FAF1: variants seen among roughly 807,000 people sequenced by gnomAD.
FAF1 encodes Fas associated factor 1.
In FAF1, 25 loss-of-function variants were observed where a neutral mutation model predicts 92.5. The ratio of observed to expected loss-of-function variants is 0.27; its 90% CI spans 0.20 to 0.38. FAF1 has a LOEUF of 0.38. Ranked by LOEUF, FAF1 falls within the 10% of genes least tolerant of loss-of-function variation. The probability of loss-of-function intolerance (pLI) is 1.00; values close to 1 mark genes in which losing one functional copy is unlikely to be tolerated. For synonymous variants in FAF1, 234 were observed against 273.2 expected (o/e 0.86, Z 1.42); for missense variants, 636 against 793.3 (o/e 0.80, Z 2.38).
At chr1:50,516,381 C>G (rs1303031810) in intron 15 of FAF1, among the ~76,000 whole-genome samples, 5 of 152,128 alleles carry the variant, frequency 3.3e-5, no homozygotes, top group Non-Finnish European at 7.4e-5. Context: ...GCTTCAGGTA[C>G]TGAGTTTTCA....
intron 6 of FAF1, chr1:50,715,070 C>A (rs945107058): frequency 1.2e-4 from 46 of 394,372 alleles, no homozygotes; most frequent in Middle Eastern, 7.2e-4. Context: ...TTGGTTTCTA[C>A]AAACAGAAAA....
At chr1:50,628,745 C>T (rs181989560) in intron 8 of FAF1, among the ~76,000 whole-genome samples, 10 of 152,286 alleles carry the variant, frequency 6.6e-5, no homozygotes, top group Admixed American at 6.5e-4. Flanking sequence ...TCTCACATTC[C>T]ATAAAAATGG....
intron 1 of FAF1, among the ~76,000 whole-genome samples, chr1:50,861,949 G>GAGATAAATGTCATTTGTTGAAGCAAACC (rs1402833021): frequency 2.2e-4 from 34 of 151,986 alleles, no homozygotes; most frequent in African/African-American, 7.9e-4. Context: ...GAACTACAAG[G>GAGATAAATGTCATTTGTTGAAGCAAACC]AGATAAATGT....
In FAF1 at chr1:50,571,507, T is replaced by G. The variant is rs556485379; in HGVS notation, c.1114-4276A>C. ...GAAAGGTAGCTGTTAGGATGAAGAT[T>G]CCTGAACTATCCATGCAAAATAAAG... On this transcript the variant is annotated intron_variant, in intron 12 of 18. Transcript: ENST00000396153. Among the ~76,000 whole-genome samples, 4 of 152,340 alleles carry G rather than the reference T, an allele frequency of 2.6e-5. No homozygotes were observed. The South Asian group carries it at 8.3e-4, about 32-fold the overall frequency.
intron 2 of FAF1, among the ~76,000 whole-genome samples, chr1:50,817,021 A>C (rs1195230429): frequency 6.6e-6 from 1 of 151,916 alleles, no homozygotes. Flanking sequence ...TGGGTTCTTC[A>C]CTCTGCTCCC....
chr1:50,607,723 T>C (rs1295271866), intron 8 of FAF1, among the ~76,000 whole-genome samples: 1 of 152,236 alleles, frequency 6.6e-6, no homozygotes, highest in East Asian at 1.9e-4. Flanking sequence ...TTCACATTTT[T>C]CTGTCTCCAA....
At chr1:50,595,136 C>G (rs1488648816) in intron 9 of FAF1, among the ~76,000 whole-genome samples, 1 of 151,828 alleles carries the variant, frequency 6.6e-6, no homozygotes, top group African/African-American at 2.4e-5. Context: ...CTCACTACAA[C>G]CTCCACCTCT....
At chr1:50,643,749 T>C (rs533148420) in intron 8 of FAF1, among the ~76,000 whole-genome samples, 14 of 152,246 alleles carry the variant, frequency 9.2e-5, no homozygotes, top group African/African-American at 3.4e-4. Flanking sequence ...TGCACCACCA[T>C]GCCTGGCTAA....
rs547414495 is a variant in FAF1, at chr1:50,573,515, A to T, written c.1114-6284T>A. On this transcript the variant is annotated intron_variant, in intron 12 of 18. Coordinates refer to ENST00000396153, the MANE Select transcript of FAF1 (RefSeq NM_007051.3). Reference sequence around the variant, plus strand: ...GTCAATGGCCCCATATGTTCAAAGAACTCCAAGCTAGTTATCTTTAAAGAG... The same window carrying T: ...GTCAATGGCCCCATATGTTCAAAGATCTCCAAGCTAGTTATCTTTAAAGAG... 1.1e-4 allele frequency among the ~76,000 whole-genome samples: 17 copies of T among 152,184 alleles called. No homozygotes were observed. In the South Asian group the frequency reaches 3.5e-3, roughly 32 times the overall value.
intron 1 of FAF1, among the ~76,000 whole-genome samples, chr1:50,893,222 C>T (rs1196018398): frequency 6.6e-6 from 1 of 152,110 alleles, no homozygotes; most frequent in Non-Finnish European, 1.5e-5. Flanking sequence ...GTCACGTTTT[C>T]CTGGATAATC....
chr1:50,952,487 G>A (rs1226290467), intron 1 of FAF1, among the ~76,000 whole-genome samples: 2 of 152,200 alleles, frequency 1.3e-5, no homozygotes, highest in Admixed American at 1.3e-4. Context: ...GCCTGCCTTG[G>A]CCTCCCAAAG....
At chr1:50,470,653 T>C (rs1646560199) in intron 18 of FAF1, 2 of 152,232 alleles carry the variant, frequency 1.3e-5, no homozygotes, top group Admixed American at 1.3e-4. Flanking sequence ...CTGTTTTATG[T>C]GCTATGAATA....
chr1:50,613,772 A>G (rs1652781483), intron 8 of FAF1, among the ~76,000 whole-genome samples: 1 of 150,144 alleles, frequency 6.7e-6, no homozygotes. Flanking sequence ...CATGCATTGC[A>G]AGAAAAATCT....
At chr1:50,549,682 G>A (rs1649207965) in intron 13 of FAF1, among the ~76,000 whole-genome samples, 2 of 152,128 alleles carry the variant, frequency 1.3e-5, no homozygotes, top group South Asian at 4.1e-4. Flanking sequence ...GGCTGAGACA[G>A]GAGAATTGCT....
At chr1:50,747,394 T>G (rs1659673520) in intron 4 of FAF1, among the ~76,000 whole-genome samples, 1 of 152,194 alleles carries the variant, frequency 6.6e-6, no homozygotes. Context: ...ACATTAAGAT[T>G]TAATGACTAT....
At chr1:50,828,291 C>T (rs1410093892) in intron 2 of FAF1, among the ~76,000 whole-genome samples, 7 of 144,766 alleles carry the variant, frequency 4.8e-5, no homozygotes, top group African/African-American at 1.5e-4. Context: ...TTTTTTGAGA[C>T]GGAGTCTCAG....
intron 1 of FAF1, among the ~76,000 whole-genome samples, chr1:50,873,248 T>G (rs2124682049): frequency 6.6e-6 from 1 of 152,340 alleles, no homozygotes; most frequent in African/African-American, 2.4e-5. Flanking sequence ...TTATATGCAC[T>G]GGGAAACCAA....
At chr1:50,573,680 TGAG>T (rs146272945) in intron 12 of FAF1, among the ~76,000 whole-genome samples, 4,602 of 152,102 alleles carry the variant, frequency 0.03, 243 homozygotes, top group African/African-American at 0.11. Flanking sequence ...CTACTGAAGA[TGAG>T]GAGATGCCAG....
At chr1:50,892,350 G>A (rs111949735) in intron 1 of FAF1, among the ~76,000 whole-genome samples, 34,927 of 152,174 alleles carry the variant, frequency 0.23, 4,466 homozygotes, top group Middle Eastern at 0.43. Context: ...CGCTTGGTGC[G>A]CTGCACCCAC....
Sources: allele counts gnomAD v4.1 joint callset (sites outside exome capture counted in the v4.1 genomes callset), GRCh38; gene constraint gnomAD v4.1.1; transcripts MANE v1.5; gene names NCBI Gene and HGNC (gene_info 2026-07-23, HGNC 2026-07-21).